Variants in NKX2-5 observed in about 807,000 individuals in gnomAD.
The protein encoded by NKX2-5 is homeobox protein Nkx-2.5.
Under a neutral mutation model 24.5 loss-of-function variants are expected in NKX2-5, and 3 were observed. The ratio of observed to expected loss-of-function variants is 0.12; its 90% CI spans 0.06 to 0.32. NKX2-5 has a LOEUF of 0.32. Ranked by LOEUF, NKX2-5 falls within the 10% of genes least tolerant of loss-of-function variation. NKX2-5 has a pLI of 1.00. For synonymous variants in NKX2-5, 215 were observed against 217.6 expected (o/e 0.99, Z 0.11); for missense variants, 429 against 452.4 (o/e 0.95, Z 0.47).
At chr5:173,233,528 AAAAT>A (rs1561620322) in intron 1 of NKX2-5, 60 of 897,318 alleles carry the variant, frequency 6.7e-5, no homozygotes, top group Non-Finnish European at 8.0e-5. Flanking sequence ...AATAAATAAA[AAAAT>A]AAAAAAATAA....
Position 173,233,188 on chromosome 5 carries a change from G to C in NKX2-5, c.356C>G (p.Ala119Gly), listed in dbSNP as rs369025518. The change falls in exon 2 of 2, where the codon GCG becomes GGG. Residue 119 changes from alanine to glycine, a missense_variant. Physicochemically the swap from Ala to Gly is moderately conservative, Grantham distance 60. This residue lies in a region of NKX2-5 where 240 missense variants were observed against 240.4 expected (regional missense o/e 1.00). Coordinates refer to ENST00000329198, the MANE Select transcript of NKX2-5 (RefSeq NM_004387.4). ...EKKELCALQK[A>G]VELEKTEADN... is the part of the protein sequence containing the mutation. ...CGCCTCTGTCTTCTCCAGCTCCACCGCCTTCTGCAGCGCGCACAGCTCTGA... is the reference window on the plus strand; with the variant it reads ...CGCCTCTGTCTTCTCCAGCTCCACCCCCTTCTGCAGCGCGCACAGCTCTGA... The C allele has an allele frequency of 1.2e-6, 2 of 1,600,922 alleles. No individual in the cohort carries two copies. Among genetic ancestry groups the C allele is most frequent in the Non-Finnish European group, 1.7e-6 (2 of 1,178,912 alleles).
Position 173,233,102 on chromosome 5 carries a change from C to A in NKX2-5, c.442G>T (p.Ala148Ser). Residue 148 changes from alanine to serine, a missense_variant, in exon 2 of 2, where the codon GCG becomes TCG. Transcript: ENST00000329198. ...RRKPRVLFSQ[A>S]QVYELERRFK... ...CGCCGCTCCAGCTCATAGACCTGCGCCTGCGAGAAGAGCACGCGCGGCTTC... is the reference window on the plus strand; with the variant it reads ...CGCCGCTCCAGCTCATAGACCTGCGACTGCGAGAAGAGCACGCGCGGCTTC... 6.3e-7 allele frequency: 1 copy of A among 1,599,752 alleles called. No individual in the cohort carries two copies. The highest frequency in any genetic ancestry group is 8.5e-7 in the Non-Finnish European group (1 of 1,173,932).
Position 173,232,279 on chromosome 5 carries a change from C to T in NKX2-5, c.*290G>A. 1 of 489,548 alleles carries T rather than the reference C, an allele frequency of 2.0e-6. No individual in the cohort carries two copies. The highest frequency in any genetic ancestry group is 3.5e-6 in the Non-Finnish European group (1 of 281,866). 30.3% of individuals were successfully genotyped at this position (489,548 alleles called of 1,614,324 possible). A position where few individuals can be genotyped will look rare whatever the true frequency, so the allele number is the denominator to read the frequency against. On this transcript the variant is annotated 3_prime_UTR_variant, in exon 2 of 2. Coordinates refer to ENST00000329198, the MANE Select transcript of NKX2-5 (RefSeq NM_004387.4). The surrounding 1 kb of genome is among the most constrained non-coding windows in gnomAD (Gnocchi z 5.9). ...ATCTCAGGCCCTGCGTGCCCGAGCT[C>T]AGTCCCAGTTCCAACCGGGGGTGCC...
intron 1 of NKX2-5, chr5:173,234,084 A>G (rs1230316890): frequency 3.1e-6 from 4 of 1,289,422 alleles, no homozygotes; most frequent in South Asian, 1.2e-5. Context: ...GTAGCGCAGC[A>G]TTTCCTAACT....
At chr5:173,233,802 A>G (rs958907243) in intron 1 of NKX2-5, 2 of 975,880 alleles carry the variant, frequency 2.0e-6, no homozygotes, top group Non-Finnish European at 2.4e-6. Context: ...TCGAATTGGT[A>G]GCGATCAGTT....
In NKX2-5 at chr5:173,232,817, C is replaced by T. The variant is rs781370140; in HGVS notation, c.727G>A (p.Val243Met). 4.3e-6 allele frequency: 7 copies of T among 1,612,014 alleles called. No individual in the cohort carries two copies. The highest frequency in any genetic ancestry group is 1.1e-5 in the South Asian group (1 of 91,018). The change falls in exon 2 of 2, where the codon GTG becomes ATG. Residue 243 changes from valine to methionine, a missense_variant. Transcript: ENST00000329198. The surrounding 1 kb of genome is among the most constrained non-coding windows in gnomAD (Gnocchi z 5.9). Reference protein sequence around the residue: ...DSAPYAPAYGVGLNPYGYNAY... With the variant: ...DSAPYAPAYGMGLNPYGYNAY... ...TTATAACCGTAGGGATTGAGGCCCA[C>T]GCCGTAGGCAGGCGCGTAGGGCGCC...
At position 173,234,859 on chromosome 5, in the gene NKX2-5, G is replaced by A. The variant is rs775035105; in HGVS notation, c.225C>T (p.Arg75=). 2.5e-6 allele frequency: 4 copies of A among 1,591,122 alleles called. No individual in the cohort carries two copies. The highest frequency in any genetic ancestry group is 3.4e-6 in the Non-Finnish European group (4 of 1,170,708). The change falls in exon 1 of 2, where the codon CGC becomes CGT. Residue 75 remains arginine (R), a synonymous_variant. Transcript: ENST00000329198. ...GLPELRAELG[R]APSPAKCASA... ...ACGCACACTTGGCCGGTGAAGGCGC[G>A]CGGCCCAGCTCTGCGCGCAGCTCTG...
chr5:173,232,709 A>G lies in NKX2-5; in HGVS notation c.835T>C (p.Ser279Pro). Residue 279 changes from serine (S) to proline (P), a missense_variant, in exon 2 of 2, where the codon TCC (serine) becomes CCC (proline). Transcript: ENST00000329198. The surrounding 1 kb of genome is among the most constrained non-coding windows in gnomAD (Gnocchi z 5.9). The stretch of plus-strand genomic sequence containing the variant: ...GCGGCAGTGGCCGGCTGCGCTGGGG[A>G]AGGCCCGGCGGGGTAAGCGGCAGTG... The part of the protein sequence containing the change: ...SCTAAYPAGP[S>P]PAQPATAAAN... 1 of 1,609,730 alleles carries G rather than the reference A, an allele frequency of 6.2e-7. No homozygotes were observed. The highest frequency in any genetic ancestry group is 8.5e-7 in the Non-Finnish European group (1 of 1,177,630).
chr5:173,234,034 A>T (rs1013099393), intron 1 of NKX2-5: 1 of 1,283,344 alleles, frequency 7.8e-7, no homozygotes, highest in African/African-American at 1.5e-5. Flanking sequence ...GGCCTGCGGG[A>T]TGATCCCGCA....
In NKX2-5 at chr5:173,232,677, G is replaced by T. The variant is rs779136385; in HGVS notation, c.867C>A (p.Asn289Lys). The T allele has an allele frequency of 1.9e-6, 3 of 1,611,624 alleles. No individual in the cohort carries two copies. Among genetic ancestry groups the T allele is most frequent in the Non-Finnish European group, 2.5e-6 (3 of 1,178,528 alleles). ...CGACGCCGAAGTTCACGAAGTTGTT[G>T]TTGGCGGCGGCAGTGGCCGGCTGCG... ...SPAQPATAAA[N>K]NNFVNFGVGD... Residue 289 changes from asparagine (N) to lysine (K), a missense_variant, in exon 2 of 2, where the codon AAC becomes AAA. This residue lies in a region of NKX2-5 where 183 missense variants were observed against 185.9 expected (regional missense o/e 0.98). Coordinates refer to ENST00000329198, the MANE Select transcript of NKX2-5 (RefSeq NM_004387.4). This position sits in a 1 kb window ranked among gnomAD's most constrained non-coding sequence, Gnocchi z 5.9.
In NKX2-5 at chr5:173,233,046, G is replaced by T. The variant is rs759503484; in HGVS notation, c.498C>A (p.Pro166=). 7 of 1,605,522 alleles carry T rather than the reference G, an allele frequency of 4.4e-6. No individual in the cohort carries two copies. Among genetic ancestry groups the T allele is most frequent in the Non-Finnish European group, 5.9e-6 (7 of 1,176,516 alleles). ...RFKQQRYLSA[P]ERDQLASVLK... ...GCACGCTGGCCAGCTGGTCGCGTTC[G>T]GGGGCCGACAGGTACCGCTGCTGCT... Residue 166 remains proline (P), a synonymous_variant, in exon 2 of 2, where the codon CCC becomes CCA. Coordinates refer to ENST00000329198, the MANE Select transcript of NKX2-5 (RefSeq NM_004387.4).
Position 173,232,409 on chromosome 5 carries a change from A to G in NKX2-5, c.*160T>C. The G allele has an allele frequency of 7.4e-7, 1 of 1,342,960 alleles. No homozygotes were observed. Among genetic ancestry groups the G allele is most frequent in the South Asian group, 1.4e-5 (1 of 72,350 alleles). 83.2% of individuals were successfully genotyped at this position (1,342,960 alleles called of 1,614,324 possible). On this transcript the variant is annotated 3_prime_UTR_variant, in exon 2 of 2. Coordinates refer to ENST00000329198, the MANE Select transcript of NKX2-5 (RefSeq NM_004387.4). This position sits in a 1 kb window ranked among gnomAD's most constrained non-coding sequence, Gnocchi z 5.9. ...GCCGCCACAAACTCTCCCGTGCGCAAGAACAAACGCGCGTGGGACAGAAAA... is the reference window on the plus strand; with the variant it reads ...GCCGCCACAAACTCTCCCGTGCGCAGGAACAAACGCGCGTGGGACAGAAAA...
intron 1 of NKX2-5, chr5:173,234,296 C>T (rs979507033): frequency 2.0e-6 from 2 of 985,348 alleles, no homozygotes; most frequent in African/African-American, 3.5e-5. Context: ...GTCCAGGACC[C>T]TCCTCCGATT....
intron 1 of NKX2-5, 149 bp from the exon 2 acceptor site, chr5:173,233,358 C>T (rs1761372155): frequency 6.5e-7 from 1 of 1,536,836 alleles, no homozygotes; most frequent in Admixed American, 2.0e-5. Context: ...CTGCCAAGTG[C>T]ACTGGGAGCC....
Position 173,235,007 on chromosome 5 carries a change from C to T in NKX2-5, c.77G>A (p.Ser26Asn), listed in dbSNP as rs1375476320. The change falls in exon 1 of 2, where the codon AGC becomes AAC. Residue 26 changes from serine to asparagine, a missense_variant. By Grantham distance (46) the Ser-to-Asn change is conservative. Around this residue, in one of 3 missense-constraint regions of NKX2-5, gnomAD observed 240 missense variants for 240.4 expected, o/e 1.00. Coordinates refer to ENST00000329198, the MANE Select transcript of NKX2-5 (RefSeq NM_004387.4). ...DILNLEQQQR[S>N]LAAAGELSAR... Reference sequence around the variant, plus strand: ...AGAGAGCTCTCCGGCGGCAGCCAGGCTGCGCTGCTGCTGTTCCAGGTTTAG... The same window carrying T: ...AGAGAGCTCTCCGGCGGCAGCCAGGTTGCGCTGCTGCTGTTCCAGGTTTAG... The T allele has an allele frequency of 1.2e-6, 2 of 1,612,268 alleles. No homozygotes were observed. Among genetic ancestry groups the T allele is most frequent in the Non-Finnish European group, 8.5e-7 (1 of 1,179,616 alleles).
chr5:173,234,378 T>G, intron 1 of NKX2-5: 2 of 885,038 alleles, frequency 2.3e-6, no homozygotes, highest in Non-Finnish European at 2.7e-6. Context: ...TTTAAAAAGA[T>G]TCGTAAATCC....
At chr5:173,234,631 ACCCCCCGCCGCAG>A in intron 1 of NKX2-5, 106 bp downstream of exon 1, 1 of 900,174 alleles carries the variant, frequency 1.1e-6, no homozygotes, top group Non-Finnish European at 1.6e-6. Context: ...TACATTCTGA[ACCCCCCGCCGCAG>A]CCCAGCCCTC....
At position 173,234,843 on chromosome 5, in the gene NKX2-5, T is replaced by C. The variant is rs904474688; in HGVS notation, c.241A>G (p.Lys81Glu). 3.1e-6 allele frequency: 5 copies of C among 1,588,458 alleles called. No individual in the cohort carries two copies. Among genetic ancestry groups the C allele is most frequent in the Non-Finnish European group, 3.4e-6 (4 of 1,169,886 alleles). Residue 81 changes from lysine to glutamate, a missense_variant, in exon 1 of 2, where the codon AAG becomes GAG. Transcript: ENST00000329198. The stretch of plus-strand genomic sequence containing the variant: ...GCGGCGGGAAAGGCAGACGCACACT[T>C]GGCCGGTGAAGGCGCGCGGCCCAGC... Reference protein sequence around the residue: ...AELGRAPSPAKCASAFPAAPA... With the variant: ...AELGRAPSPAECASAFPAAPA...
chr5:173,234,810 A>G lies in NKX2-5; in HGVS notation c.274T>C (p.Phe92Leu). The G allele has an allele frequency of 6.3e-7, 1 of 1,583,932 alleles. No homozygotes were observed. The highest frequency in any genetic ancestry group is 1.2e-5 in the South Asian group (1 of 86,508). Reference protein sequence around the residue: ...CASAFPAAPAFYPRAYSDPDP... With the variant: ...CASAFPAAPALYPRAYSDPDP... ...GGGTCGCTGTAGGCACGTGGATAGA[A>G]GGCGGGGGCGGCGGGAAAGGCAGAC... Residue 92 changes from phenylalanine to leucine, a missense_variant, in exon 1 of 2, where the codon TTC becomes CTC. Transcript: ENST00000329198.
Sources: allele counts gnomAD v4.1 joint callset, GRCh38; gene constraint gnomAD v4.1.1; regional missense constraint gnomAD v4.1.1; non-coding constraint Gnocchi (gnomAD v3.1); transcripts MANE v1.5; gene names NCBI Gene and HGNC (gene_info 2026-07-23, HGNC 2026-07-21).